Variants in HTT observed in about 807,000 individuals in gnomAD.
HTT encodes huntingtin.
In HTT, 104 loss-of-function variants were observed where a neutral mutation model predicts 362.3. The ratio of observed to expected loss-of-function variants is 0.29; its 90% CI spans 0.24 to 0.34. HTT has a LOEUF of 0.34. Ranked by LOEUF, HTT falls within the 10% of genes least tolerant of loss-of-function variation. The pLI is 1.00. For synonymous variants in HTT, 1,577 were observed against 1,548.7 expected, an observed-to-expected ratio of 1.02 and a Z score of -0.43; for missense variants, 3,301 against 3,928.6, an observed-to-expected ratio of 0.84 and a Z score of 4.27.
chr4:3,186,566 G>T (rs769578130), intron 37 of HTT, 31 bp from the exon 38 acceptor site: 1 of 1,603,822 alleles, frequency 6.2e-7, no homozygotes, highest in Admixed American at 1.7e-5. Context: ...TTTGGCTTAC[G>T]TAGAAATGTT....
At chr4:3,224,246 G>A in intron 56 of HTT, 115 bp downstream of exon 56, 1 of 1,085,342 alleles carries the variant, frequency 9.2e-7, no homozygotes, top group South Asian at 1.4e-5. Flanking sequence ...TGAGTTGGAG[G>A]CTGTGGTGCT....
chr4:3,118,734 G>A (rs975862987), intron 8 of HTT, among the ~76,000 whole-genome samples: 1 of 152,200 alleles, frequency 6.6e-6, no homozygotes, highest in Non-Finnish European at 1.5e-5. Context: ...GGGGAAAAAA[G>A]GGTATGGATG....
At chr4:3,200,587 T>G (rs1719480984) in intron 41 of HTT, among the ~76,000 whole-genome samples, 1 of 152,138 alleles carries the variant, frequency 6.6e-6, no homozygotes, top group Non-Finnish European at 1.5e-5. Flanking sequence ...GATCCCACGC[T>G]GGGGAAAAGA....
Position 3,238,914 on chromosome 4 carries a change from A to C in HTT, c.9151A>C (p.Met3051Leu). Residue 3051 changes from methionine (M) to leucine (L), a missense_variant, in exon 66 of 67, where the codon ATG becomes CTG. Physicochemically the swap from Met to Leu is conservative, Grantham distance 15. Coordinates refer to ENST00000355072, the MANE Select transcript of HTT (RefSeq NM_001388492.1). ...SNFTQRAPVA[M>L]ATWSLSCFFV... ...CTTCACGCAGAGGGCCCCGGTCGCC[A>C]TGGCCACGTGGAGCCTCTCCTGCTT... is the stretch of plus-strand genomic sequence containing the variant. The C allele has an allele frequency of 6.2e-7, 1 of 1,611,340 alleles. No homozygotes were observed. Among genetic ancestry groups the C allele is most frequent in the Non-Finnish European group, 8.5e-7 (1 of 1,179,528 alleles).
chr4:3,116,235 T>G lies in HTT; in HGVS notation c.1040T>G (p.Val347Gly). Residue 347 changes from valine (V) to glycine (G), a missense_variant, in exon 8 of 67, where the codon GTC (valine) becomes GGC (glycine). Transcript: ENST00000355072. Reference protein sequence around the residue: ...SFGVTRKEMEVSPSAEQLVQV... With the variant: ...SFGVTRKEMEGSPSAEQLVQV... ...GGAGTGACAAGGAAAGAAATGGAAG[T>G]CTCTCCTTCTGCAGAGCAGCTTGTC... 3.1e-6 allele frequency: 5 copies of G among 1,612,928 alleles called. No individual in the cohort carries two copies. The highest frequency in any genetic ancestry group is 4.2e-6 in the Non-Finnish European group (5 of 1,179,014).
intron 26 of HTT, among the ~76,000 whole-genome samples, chr4:3,151,334 A>G (rs1225096714): frequency 6.6e-6 from 1 of 152,074 alleles, no homozygotes; most frequent in Non-Finnish European, 1.5e-5. Flanking sequence ...CACATGGCCC[A>G]CAGGAAAAAG....
intron 19 of HTT, 113 bp from the exon 20 acceptor site, chr4:3,135,791 T>G: frequency 3.1e-6 from 2 of 646,738 alleles, no homozygotes; most frequent in Non-Finnish European, 5.2e-6. Context: ...TTTGAGTAAG[T>G]GCTGCCCAAG....
rs559958213 is a variant in HTT, at chr4:3,232,011, G to A, written c.8266-1152G>A. 3.3e-4 allele frequency among the ~76,000 whole-genome samples: 50 copies of A among 152,318 alleles called. No homozygotes were observed. The Middle Eastern group carries it at 0.014, about 41-fold the overall frequency. On this transcript the variant is annotated intron_variant, in intron 60 of 66. Transcript: ENST00000355072. The stretch of plus-strand genomic sequence containing the variant: ...TCAGCGCGTCATGCTTGGTACCCAC[G>A]TATCCAGAGCATGTCGTTTTGAGGT...
chr4:3,089,415 G>A (rs1344296230), intron 2 of HTT, among the ~76,000 whole-genome samples: 3 of 152,110 alleles, frequency 2.0e-5, no homozygotes, highest in African/African-American at 7.2e-5. Context: ...CACCATGCCT[G>A]GCTAAATTTT....
chr4:3,087,268 T>A (rs1029165811), intron 2 of HTT, among the ~76,000 whole-genome samples: 1 of 152,248 alleles, frequency 6.6e-6, no homozygotes, highest in African/African-American at 2.4e-5. Context: ...GAACAACATG[T>A]TTATGTTTAG....
intron 22 of HTT, 88 bp downstream of exon 22, chr4:3,140,744 T>C: frequency 7.5e-7 from 1 of 1,327,846 alleles, no homozygotes; most frequent in East Asian, 2.3e-5. Flanking sequence ...AACATTTTAT[T>C]TTCTAGAAAA....
At chr4:3,160,254 C>T (rs1289368531) in intron 28 of HTT, 28 bp from the exon 29 acceptor site, 16 of 1,392,196 alleles carry the variant, frequency 1.1e-5, no homozygotes, top group South Asian at 3.7e-5. Flanking sequence ...GGCCAGTAAC[C>T]GTGTGTTCTC....
intron 40 of HTT, among the ~76,000 whole-genome samples, chr4:3,192,665 T>C (rs1719062760): frequency 1.3e-5 from 2 of 152,176 alleles, no homozygotes; most frequent in South Asian, 4.1e-4. Context: ...GCACAGCAGT[T>C]AGAATTTTGG....
chr4:3,152,894 G>A (rs905465690), intron 26 of HTT, among the ~76,000 whole-genome samples: 3 of 147,876 alleles, frequency 2.0e-5, no homozygotes. Context: ...TTCATGATCC[G>A]CCTGCCTCGG....
At chr4:3,197,228 C>T (rs1719294951) in intron 40 of HTT, among the ~76,000 whole-genome samples, 1 of 152,044 alleles carries the variant, frequency 6.6e-6, no homozygotes, top group Non-Finnish European at 1.5e-5. Context: ...GTAGGTCCAT[C>T]CCCTTTGTGA....
chr4:3,176,765 A>G (rs1403754474), intron 33 of HTT, among the ~76,000 whole-genome samples: 2 of 152,236 alleles, frequency 1.3e-5, no homozygotes, highest in South Asian at 2.1e-4. Context: ...CTCTATGCTG[A>G]TAAAGATTTA....
intron 6 of HTT, among the ~76,000 whole-genome samples, chr4:3,108,382 A>G (rs752798635): frequency 2.6e-5 from 4 of 151,714 alleles, no homozygotes; most frequent in South Asian, 2.1e-4. Flanking sequence ...ATTTAGTGTA[A>G]TATTTCTTCA....
chr4:3,088,272 T>G (rs769528521), intron 2 of HTT, among the ~76,000 whole-genome samples: 2 of 151,192 alleles, frequency 1.3e-5, no homozygotes, highest in African/African-American at 2.4e-5. Flanking sequence ...CTGCAAGCTC[T>G]GCCTCCCAGG....
At chr4:3,085,505 C>T (rs1713162515) in intron 1 of HTT, among the ~76,000 whole-genome samples, 1 of 152,080 alleles carries the variant, frequency 6.6e-6, no homozygotes, top group African/African-American at 2.4e-5. Flanking sequence ...CAGGACTGTT[C>T]TTACCCTGTT....
Sources: gnomAD v4.1 joint callset for allele counts (sites outside exome capture counted in the v4.1 genomes callset) on GRCh38, gnomAD v4.1.1 for gene constraint, MANE v1.5 for transcripts, NCBI Gene and HGNC (gene_info 2026-07-23, HGNC 2026-07-21) for gene names.